ARMC9: variants seen among roughly 807,000 people sequenced by gnomAD.
The protein encoded by ARMC9 is armadillo repeat containing 9.
In ARMC9, 94 loss-of-function variants were observed where a neutral mutation model predicts 107.0. The observed-to-expected ratio is 0.88, with a 90% CI of 0.74 to 1.04. The LOEUF is 1.04. Among genes scored for constraint, ARMC9 ranks in the 50% least tolerant of loss-of-function variants. The probability of loss-of-function intolerance (pLI) is 0.00; values close to 1 mark genes in which losing one functional copy is unlikely to be tolerated. For missense variants in ARMC9, 942 were observed against 1,030.1 expected (o/e 0.91, Z 1.17); for synonymous variants, 380 against 396.9 (o/e 0.96, Z 0.51).
chr2:231,369,853 CAG>C, intron 23 of ARMC9, 98 bp from the exon 24 acceptor site: 1 of 1,237,444 alleles, frequency 8.1e-7, no homozygotes, highest in Admixed American at 3.5e-5. Context: ...CTTGGCCTCT[CAG>C]AGTGCTGGGA....
chr2:231,295,859 G>C (rs2041330560), intron 18 of ARMC9: 2 of 180,454 alleles, frequency 1.1e-5, no homozygotes, highest in Middle Eastern at 2.3e-3. Context: ...TAAGGATTAA[G>C]TGAAATAACG....
chr2:231,256,175 T>A (rs1278966312), intron 9 of ARMC9: 1 of 1,532,814 alleles, frequency 6.5e-7, no homozygotes, highest in African/African-American at 1.4e-5. Context: ...TCAGGGACAG[T>A]GCACGCAGGT....
chr2:231,266,342 A>G (rs760921117), intron 12 of ARMC9, among the ~76,000 whole-genome samples: 1 of 152,250 alleles, frequency 6.6e-6, no homozygotes, highest in Non-Finnish European at 1.5e-5. Flanking sequence ...TGAGAATTAC[A>G]GCTTGAGACC....
rs565425370 is a variant in ARMC9 at position 231,279,925 on chromosome 2, T to C, written c.1551+1467T>C. 3.3e-5 allele frequency among the ~76,000 whole-genome samples: 5 copies of C among 152,332 alleles called. No individual in the cohort carries two copies. The South Asian group carries it at 1.0e-3, about 32-fold the overall frequency. On this transcript the variant is annotated intron_variant, in intron 16 of 24. Transcript: ENST00000611582. ...TTAGCAAGTGGATGTTTGGTGTCTTTGTGACATTCATTTTATATTTTAAAG... is the reference window on the plus strand; with the variant it reads ...TTAGCAAGTGGATGTTTGGTGTCTTCGTGACATTCATTTTATATTTTAAAG...
chr2:231,228,074 C>T (rs1032280532), intron 7 of ARMC9, among the ~76,000 whole-genome samples: 4 of 152,188 alleles, frequency 2.6e-5, no homozygotes, highest in Admixed American at 6.5e-5. Context: ...TCTGCAGGCC[C>T]GCTCTCTCAG....
At chr2:231,338,641 A>C (rs2044291983) in intron 20 of ARMC9, among the ~76,000 whole-genome samples, 1 of 151,274 alleles carries the variant, frequency 6.6e-6, no homozygotes, top group East Asian at 1.9e-4. Context: ...CTAGGCTTAA[A>C]CGATCTTCCC....
chr2:231,225,458 T>C (rs1017291211), intron 6 of ARMC9, among the ~76,000 whole-genome samples: 2 of 152,118 alleles, frequency 1.3e-5, no homozygotes, highest in African/African-American at 4.8e-5. Context: ...TGCAAACAAC[T>C]CAAATGTCTA....
At chr2:231,330,570 T>A (rs2043660669) in intron 19 of ARMC9, among the ~76,000 whole-genome samples, 1 of 152,162 alleles carries the variant, frequency 6.6e-6, no homozygotes. Context: ...GGGGGCCTCC[T>A]TACCACCCAG....
chr2:231,336,808 G>A (rs2044120941), intron 20 of ARMC9, among the ~76,000 whole-genome samples: 1 of 152,206 alleles, frequency 6.6e-6, no homozygotes, highest in African/African-American at 2.4e-5. Context: ...TCTGAAGCAG[G>A]AGTCTGGGCC....
intron 9 of ARMC9, among the ~76,000 whole-genome samples, chr2:231,243,115 C>T (rs1020770540): frequency 2.0e-5 from 3 of 152,094 alleles, no homozygotes; most frequent in South Asian, 2.1e-4. Context: ...GGCATGGTTG[C>T]GGGCACCTGT....
intron 15 of ARMC9, among the ~76,000 whole-genome samples, chr2:231,277,592 G>A (rs1208305023): frequency 7.0e-6 from 1 of 143,704 alleles, no homozygotes; most frequent in Non-Finnish European, 1.5e-5. Context: ...ATGAAGTCAC[G>A]CTCCATTGCC....
chr2:231,203,796 C>T (rs1471893162), intron 1 of ARMC9, among the ~76,000 whole-genome samples: 1 of 152,106 alleles, frequency 6.6e-6, no homozygotes, highest in Non-Finnish European at 1.5e-5. Context: ...CCCGTCTCTA[C>T]TAAAAATACA....
At chr2:231,304,482 C>A (rs1369351489) in intron 19 of ARMC9, among the ~76,000 whole-genome samples, 1 of 152,204 alleles carries the variant, frequency 6.6e-6, no homozygotes, top group Admixed American at 6.5e-5. Flanking sequence ...CTGCAACCTC[C>A]GCCTCCTGGG....
At chr2:231,340,549 CTA>C (rs888249716) in intron 20 of ARMC9, among the ~76,000 whole-genome samples, 3 of 152,156 alleles carry the variant, frequency 2.0e-5, no homozygotes, top group African/African-American at 7.2e-5. Flanking sequence ...AATCATTTGA[CTA>C]TGCATGGAAG....
intron 14 of ARMC9, among the ~76,000 whole-genome samples, chr2:231,274,897 A>G (rs2039632789): frequency 6.6e-6 from 1 of 152,222 alleles, no homozygotes; most frequent in Non-Finnish European, 1.5e-5. Flanking sequence ...CTGCAGAGTC[A>G]TTACTTCCTC....
intron 20 of ARMC9, among the ~76,000 whole-genome samples, chr2:231,340,084 C>G (rs1160851649): frequency 2.6e-5 from 4 of 152,190 alleles, no homozygotes; most frequent in Non-Finnish European, 5.9e-5. Flanking sequence ...GACATGGGAG[C>G]TCTCCTGCAG....
At chr2:231,257,181 C>T (rs927627950) in intron 10 of ARMC9, among the ~76,000 whole-genome samples, 9 of 152,302 alleles carry the variant, frequency 5.9e-5, no homozygotes, top group African/African-American at 2.2e-4. Flanking sequence ...TTGAATTGTT[C>T]ATATGGTATT....
At chr2:231,349,649 G>A (rs1263573348) in intron 21 of ARMC9, among the ~76,000 whole-genome samples, 3 of 152,080 alleles carry the variant, frequency 2.0e-5, no homozygotes, top group Admixed American at 2.0e-4. Flanking sequence ...AGGTGCGGTA[G>A]CGAGTGCCTG....
intron 19 of ARMC9, among the ~76,000 whole-genome samples, chr2:231,318,178 T>A (rs2125529011): frequency 6.6e-6 from 1 of 152,224 alleles, no homozygotes; most frequent in South Asian, 2.1e-4. Context: ...GCAGTTAACT[T>A]GCCTGCTCTT....
Sources: gnomAD v4.1 joint callset for allele counts (sites outside exome capture counted in the v4.1 genomes callset) on GRCh38, gnomAD v4.1.1 for gene constraint, MANE v1.5 for transcripts, NCBI Gene and HGNC (gene_info 2026-07-23, HGNC 2026-07-21) for gene names.